Variants in CSRNP3 observed in about 807,000 individuals in gnomAD.
CSRNP3 encodes the protein cysteine/serine-rich nuclear protein 3.
CSRNP3 carries 12 observed loss-of-function variants against 48.0 expected under a neutral mutation model. The ratio of observed to expected loss-of-function variants is 0.25; its 90% CI spans 0.16 to 0.41. The LOEUF is 0.41. CSRNP3 is among the 10% of genes least tolerant of loss of function. CSRNP3 has a pLI of 1.00. For missense variants in CSRNP3, 580 were observed against 724.4 expected (o/e 0.80, Z 2.29); for synonymous variants, 263 against 269.7 (o/e 0.98, Z 0.24).
chr2:165,647,991 GA>G (rs1558961275), intron 4 of CSRNP3, among the ~76,000 whole-genome samples: 1 of 152,092 alleles, frequency 6.6e-6, no homozygotes, highest in East Asian at 1.9e-4. Context: ...AGAACGGGGG[GA>G]AAATTCCTAA....
At chr2:165,483,611 A>G (rs1412678245) in intron 1 of CSRNP3, among the ~76,000 whole-genome samples, 2 of 152,222 alleles carry the variant, frequency 1.3e-5, no homozygotes, top group African/African-American at 4.8e-5. Context: ...CCACAACAAA[A>G]TATCATAGAC....
chr2:165,494,811 A>T lies in CSRNP3; in HGVS notation c.-230A>T, dbSNP rs1684264972. On this transcript the variant is annotated 5_prime_UTR_variant, in exon 2 of 7. The change creates a new upstream start codon in the 5' untranslated region. Coordinates refer to ENST00000651982, the MANE Select transcript of CSRNP3 (RefSeq NM_001172173.2). ...GTGGAATTTTAAAGGGGAAGTTTGA[A>T]GAAGTCAACGGCTCCTCACCCTGCT... is the stretch of plus-strand genomic sequence containing the variant. 4.7e-6 allele frequency: 1 copy of T among 210,820 alleles called. No individual in the cohort carries two copies. Among genetic ancestry groups the T allele is most frequent in the South Asian group, 1.1e-4 (1 of 9,286 alleles). 13.1% of individuals were successfully genotyped at this position (210,820 alleles called of 1,614,324 possible).
At position 165,681,752 on chromosome 2, in the gene CSRNP3, TATATATATACACACAC is replaced by T. The variant is rs1431290627; in HGVS notation, c.*2001_*2016del. Reference sequence around the variant, plus strand: ...ATATATATATATATATATATATATATATATATATACACACACACACACACATACACATATATATACA... The same window carrying T: ...ATATATATATATATATATATATATATACACACACATACACATATATATACA... On this transcript the variant is annotated 3_prime_UTR_variant, in exon 7 of 7. Transcript: ENST00000651982. The T allele has an allele frequency of 1.1e-3, 112 of 100,898 alleles. No individual in the cohort carries two copies. Among genetic ancestry groups the T allele is most frequent in the African/African-American group, 3.7e-3 (105 of 28,686 alleles). 6.3% of individuals were successfully genotyped at this position (100,898 alleles called of 1,614,324 possible).
At chr2:165,553,418 A>C (rs1574834695) in intron 3 of CSRNP3, among the ~76,000 whole-genome samples, 1 of 152,122 alleles carries the variant, frequency 6.6e-6, no homozygotes, top group African/African-American at 2.4e-5. Flanking sequence ...TTCTATACCT[A>C]TTTTCATACA....
At chr2:165,614,545 A>G (rs1686198508) in intron 4 of CSRNP3, among the ~76,000 whole-genome samples, 1 of 152,124 alleles carries the variant, frequency 6.6e-6, no homozygotes, top group South Asian at 2.1e-4. Context: ...CCTATTCAGT[A>G]TGATGTTAGC....
chr2:165,509,240 A>G (rs1684468097), intron 2 of CSRNP3, among the ~76,000 whole-genome samples: 1 of 152,184 alleles, frequency 6.6e-6, no homozygotes, highest in African/African-American at 2.4e-5. Flanking sequence ...GGGGATAGCT[A>G]TTTTAAATAA....
At chr2:165,518,248 A>G (rs991521564) in intron 3 of CSRNP3, among the ~76,000 whole-genome samples, 9 of 151,972 alleles carry the variant, frequency 5.9e-5, no homozygotes, top group Non-Finnish European at 1.2e-4. Flanking sequence ...TGACATTTCT[A>G]TAAATTTTTC....
In CSRNP3 at chr2:165,477,688, G is replaced by T. The variant is rs962738310; in HGVS notation, c.-283+7948G>T. 2.0e-5 allele frequency among the ~76,000 whole-genome samples: 3 copies of T among 147,454 alleles called. No individual in the cohort carries two copies. In the Admixed American group the frequency reaches 2.0e-4, roughly 10 times the overall value. On this transcript the variant is annotated intron_variant, in intron 1 of 6. Coordinates refer to ENST00000651982, the MANE Select transcript of CSRNP3 (RefSeq NM_001172173.2). ...CATCTCAAAAAAAAAAAAATTGTAG[G>T]CCGGTAGGCCAGGCATGGTGGCTCA... is the stretch of plus-strand genomic sequence containing the variant.
chr2:165,480,493 A>G (rs1431719319), intron 1 of CSRNP3, among the ~76,000 whole-genome samples: 2 of 152,164 alleles, frequency 1.3e-5, no homozygotes, highest in African/African-American at 4.8e-5. Flanking sequence ...TGCTTGGCAC[A>G]TAGTAAGCAC....
At chr2:165,674,528 A>C (rs940105500) in intron 5 of CSRNP3, among the ~76,000 whole-genome samples, 3 of 151,214 alleles carry the variant, frequency 2.0e-5, no homozygotes, top group African/African-American at 4.9e-5. Flanking sequence ...GAAGGAAATA[A>C]ATTTTAGATT....
rs147992981 is a variant in CSRNP3 at position 165,662,221 on chromosome 2, C to A, written c.408+4201C>A. Among the ~76,000 whole-genome samples the A allele has an allele frequency of 7.8e-4, 84 of 107,938 alleles. No homozygotes were observed. The East Asian group carries it at 0.011, about 14-fold the overall frequency. 70.8% of individuals were successfully genotyped at this position (107,938 alleles called of 152,430 possible). Reference sequence around the variant, plus strand: ...AATGTATGTTTTGATCATAAAATTGCTCCTAATTTAGTAATTCATCTTCCA... The same window carrying A: ...AATGTATGTTTTGATCATAAAATTGATCCTAATTTAGTAATTCATCTTCCA... On this transcript the variant is annotated intron_variant, in intron 5 of 6. Coordinates refer to ENST00000651982, the MANE Select transcript of CSRNP3 (RefSeq NM_001172173.2).
chr2:165,558,450 A>G (rs923751377), intron 3 of CSRNP3, among the ~76,000 whole-genome samples: 2 of 152,198 alleles, frequency 1.3e-5, no homozygotes, highest in African/African-American at 4.8e-5. Flanking sequence ...TACATAAGTT[A>G]GTGAGCAATT....
At chr2:165,658,218 A>G (rs1228212018) in intron 5 of CSRNP3, among the ~76,000 whole-genome samples, 198 bp downstream of exon 5, 5 of 152,052 alleles carry the variant, frequency 3.3e-5, no homozygotes, top group South Asian at 4.1e-4. Flanking sequence ...TCATTTATTC[A>G]TTCATTCCAC....
chr2:165,680,598 T>C lies in CSRNP3; in HGVS notation c.*845T>C, dbSNP rs1420326450. On this transcript the variant is annotated 3_prime_UTR_variant, in exon 7 of 7. Transcript: ENST00000651982. ...TTGATTCTTAGCTTGGACAGCACCT[T>C]TAAGCTCTACCCCCTACATCAAAAT... 1 of 152,508 alleles carries C rather than the reference T, an allele frequency of 6.6e-6. No homozygotes were observed. The highest frequency in any genetic ancestry group is 1.5e-5 in the Non-Finnish European group (1 of 68,004). 9.4% of individuals were successfully genotyped at this position (152,508 alleles called of 1,614,324 possible).
At chr2:165,643,501 C>A (rs1268610432) in intron 4 of CSRNP3, among the ~76,000 whole-genome samples, 1 of 152,120 alleles carries the variant, frequency 6.6e-6, no homozygotes, top group Non-Finnish European at 1.5e-5. Context: ...CAAGGAGTAC[C>A]AACAGAAACA....
chr2:165,647,496 T>C (rs994433987), intron 4 of CSRNP3, among the ~76,000 whole-genome samples: 8 of 152,346 alleles, frequency 5.3e-5, no homozygotes, highest in Middle Eastern at 3.4e-3. Context: ...ATATTAATGT[T>C]ATCTAAAATA....
At chr2:165,549,593 CTA>C (rs922563304) in intron 3 of CSRNP3, among the ~76,000 whole-genome samples, 2 of 152,040 alleles carry the variant, frequency 1.3e-5, no homozygotes, top group African/African-American at 4.8e-5. Context: ...TCATTTTTAT[CTA>C]TGTCATTTAA....
At chr2:165,585,245 T>A (rs1685609365) in intron 3 of CSRNP3, among the ~76,000 whole-genome samples, 1 of 152,086 alleles carries the variant, frequency 6.6e-6, no homozygotes, top group Admixed American at 6.5e-5. Context: ...TTCTCTTTTC[T>A]TGAATATTGT....
At chr2:165,496,942 A>G (rs1365977630) in intron 2 of CSRNP3, among the ~76,000 whole-genome samples, 4 of 152,110 alleles carry the variant, frequency 2.6e-5, no homozygotes, top group Middle Eastern at 6.8e-3. Context: ...AGTACCTACA[A>G]TGTTCATTTA....
Sources: gnomAD v4.1 joint callset for allele counts (sites outside exome capture counted in the v4.1 genomes callset) on GRCh38, gnomAD v4.1.1 for gene constraint, MANE v1.5 for transcripts, NCBI Gene and HGNC (gene_info 2026-07-23, HGNC 2026-07-21) for gene names.